The following WDR86 variants were observed in gnomAD, a reference collection of about 807,000 sequenced individuals.
The protein encoded by WDR86 is WD repeat domain 86, also known as WD repeat-containing protein 86.
A neutral mutation model predicts 36.5 loss-of-function variants in WDR86; 30 were observed. The ratio of observed to expected loss-of-function variants is 0.82; its 90% confidence interval spans 0.61 to 1.11. WDR86 has a LOEUF of 1.11. Ranked by LOEUF, WDR86 falls within the 50% of genes most tolerant of loss-of-function variation. WDR86 has a pLI of 0.00. For synonymous variants in WDR86, 255 were observed against 252.9 expected, an observed-to-expected ratio of 1.01 and a Z score of -0.08; for missense variants, 545 against 561.2, an observed-to-expected ratio of 0.97 and a Z score of 0.29.
At chr7:151,389,358 C>G (rs910756841) in intron 3 of WDR86, among the ~76,000 whole-genome samples, 1 of 152,180 alleles carries the variant, frequency 6.6e-6, no homozygotes, top group Non-Finnish European at 1.5e-5. Context: ...AGGCTGCCCA[C>G]GGGCTTATCT....
downstream of WDR86, among the ~76,000 whole-genome samples, chr7:151,375,503 G>A (rs904937389): frequency 2.0e-5 from 3 of 152,196 alleles, no homozygotes; most frequent in African/African-American, 7.2e-5. Context: ...AGGGCATGAC[G>A]CTTTCAAAGA....
chr7:151,376,093 C>T (rs1798218307), exon 2 of WDR86: 2 of 636,204 alleles, frequency 3.1e-6, no homozygotes, highest in East Asian at 2.7e-5. Flanking sequence ...CCTCAGAGGC[C>T]ACCCACGCAG....
Position 151,395,370 on chromosome 7 carries a change from C to G in WDR86, c.726+406G>C, listed in dbSNP as rs73727168. Among the ~76,000 whole-genome samples the G allele has an allele frequency of 5.0e-3, 767 of 152,330 alleles. 9 individuals are homozygous for G. The highest frequency in any genetic ancestry group is 0.017 in the African/African-American group (719 of 41,564). On this transcript the variant is annotated intron_variant, in intron 3 of 5. Transcript: ENST00000334493. ...AGATTCACGTGTCGCAGCCCTACCCCACCCCTGTACCTATGAATGTGGCCT... is the reference window on the plus strand; with the variant it reads ...AGATTCACGTGTCGCAGCCCTACCCGACCCCTGTACCTATGAATGTGGCCT...
In WDR86 at chr7:151,396,145, A is replaced by AGCTGTCCGGTCATAGGAGCT; in HGVS notation, c.337_356dup (p.Arg120AlafsTer29). The AGCTGTCCGGTCATAGGAGCT allele has an allele frequency of 6.2e-7, 1 of 1,612,918 alleles. No individual in the cohort carries two copies. The highest frequency in any genetic ancestry group is 8.5e-7 in the Non-Finnish European group (1 of 1,179,880). On this transcript the variant is annotated frameshift_variant, in exon 3 of 6. Transcript: ENST00000334493. LOFTEE classifies it high-confidence loss of function. ...GCCCCTTGTCCACACTCCAGACCCG[A>AGCTGTCCGGTCATAGGAGCT]GCTGTCCGGTCATAGGAGCTGCTGA... is the stretch of plus-strand genomic sequence containing the variant.
Position 151,409,938 on chromosome 7 carries a change from GC to G in WDR86, c.-350del, listed in dbSNP as rs529464697. On this transcript the variant is annotated 5_prime_UTR_variant, in exon 1 of 6. Transcript: ENST00000334493. The surrounding 1 kb of genome is among the most constrained non-coding windows in gnomAD (Gnocchi z 5.2). ...CAGCTGCGTCTCTGGTGCACAAGGA[GC>G]CCCCCGCCTCCTCTCGCGCCCACGG... is the stretch of plus-strand genomic sequence containing the variant. 5.7e-6 allele frequency: 6 copies of G among 1,055,850 alleles called. No homozygotes were observed. Among genetic ancestry groups the G allele is most frequent in the Non-Finnish European group, 6.8e-6 (6 of 876,394 alleles). 65.4% of individuals were successfully genotyped at this position (1,055,850 alleles called of 1,614,324 possible). A position where few individuals can be genotyped will look rare whatever the true frequency, so the allele number is the denominator to read the frequency against.
At chr7:151,404,744 G>A (rs1800587269) in intron 1 of WDR86, among the ~76,000 whole-genome samples, 1 of 152,246 alleles carries the variant, frequency 6.6e-6, no homozygotes, top group Admixed American at 6.5e-5. Flanking sequence ...ACATGCTGAG[G>A]CTGACGGTTT....
At chr7:151,369,638 A>G in the WDR86 span, among the ~76,000 whole-genome samples, 22 of 152,204 alleles carry the variant, frequency 1.4e-4, no homozygotes, top group Non-Finnish European at 2.1e-4. Flanking sequence ...ATTCTATCCA[A>G]TATGTTCTGC....
intron 1 of WDR86, chr7:151,408,681 A>T: frequency 3.0e-6 from 1 of 336,642 alleles, no homozygotes; most frequent in Non-Finnish European, 6.0e-6. Context: ...TACGTGTGCT[A>T]CCTGGGCAGT....
chr7:151,397,784 G>GA (rs1799963998), intron 2 of WDR86, among the ~76,000 whole-genome samples: 8 of 71,400 alleles, frequency 1.1e-4, no homozygotes, highest in East Asian at 3.6e-4. Context: ...GCAGGAGGAA[G>GA]GGCATAGCGG....
intron 3 of WDR86, among the ~76,000 whole-genome samples, chr7:151,393,037 C>T (rs1799547314): frequency 6.6e-6 from 1 of 152,200 alleles, no homozygotes; most frequent in South Asian, 2.1e-4. Flanking sequence ...ATTCAAATTG[C>T]TTTGTGGGAC....
chr7:151,381,997 G>A lies in WDR86; in HGVS notation c.863-16C>T. On this transcript the variant is annotated splice_polypyrimidine_tract_variant and intron_variant, in intron 4 of 5. Coordinates refer to ENST00000334493, the MANE Select transcript of WDR86 (RefSeq NM_198285.3). This position sits in a 1 kb window ranked among gnomAD's most constrained non-coding sequence, Gnocchi z 4.8. The stretch of plus-strand genomic sequence containing the variant: ...CCCGTGAACACTGCGGACACACAGC[G>A]CGCGCTGGGCCTCCCTCCCTGCTCG... The A allele has an allele frequency of 1.3e-6, 2 of 1,580,360 alleles. No individual in the cohort carries two copies. The highest frequency in any genetic ancestry group is 1.7e-6 in the Non-Finnish European group (2 of 1,163,896).
At chr7:151,376,727 A>G, downstream of WDR86, 1 of 1,605,860 alleles carries the variant, frequency 6.2e-7, no homozygotes, top group Non-Finnish European at 8.5e-7. Context: ...CCTTGCTCAC[A>G]ACGGAGGAAG....
the WDR86 span, among the ~76,000 whole-genome samples, chr7:151,370,486 C>T: frequency 4.6e-5 from 7 of 152,198 alleles, no homozygotes; most frequent in Non-Finnish European, 1.0e-4. Context: ...TTTACTATTA[C>T]TCCACTACCA....
rs369396478 is a variant in WDR86, at chr7:151,396,031, C to A, written c.471G>T (p.Ala157=). ...GAAGCCCCCCGGCCGCGGCCTCCTC[C>A]GCGCAGGGAGTGCTGGGGAGGTCCC... The part of the protein sequence containing the change: ...APWDLPSTPC[A]EEAAAGGLLV... Residue 157 remains alanine (A), a synonymous_variant, in exon 3 of 6, where the codon GCG becomes GCT. Coordinates refer to ENST00000334493, the MANE Select transcript of WDR86 (RefSeq NM_198285.3). The A allele has an allele frequency of 1.2e-6, 2 of 1,608,156 alleles. No individual in the cohort carries two copies. Among genetic ancestry groups the A allele is most frequent in the South Asian group, 2.2e-5 (2 of 90,620 alleles).
downstream of WDR86, chr7:151,376,902 T>A: frequency 6.9e-7 from 1 of 1,457,428 alleles, no homozygotes; most frequent in Non-Finnish European, 9.2e-7. Context: ...ATGTGGAGAC[T>A]GAGGGGGCGT....
chr7:151,409,746 G>A lies in WDR86; in HGVS notation c.-157C>T. 1 of 1,297,464 alleles carries A rather than the reference G, an allele frequency of 7.7e-7. No homozygotes were observed. The highest frequency in any genetic ancestry group is 9.7e-7 in the Non-Finnish European group (1 of 1,027,412). The allele number at this position is 1,297,464 out of a possible 1,614,324, so 80.4% of individuals were successfully genotyped here. A position where few individuals can be genotyped will look rare whatever the true frequency, so the allele number is the denominator to read the frequency against. The stretch of plus-strand genomic sequence containing the variant: ...GGCACGCGGCGAGGGGAGGGTGAAG[G>A]ACCCTAGCTCCCCGCTGCCTCCAGC... On this transcript the variant is annotated 5_prime_UTR_variant, in exon 1 of 6. Coordinates refer to ENST00000334493, the MANE Select transcript of WDR86 (RefSeq NM_198285.3). This position sits in a 1 kb window ranked among gnomAD's most constrained non-coding sequence, Gnocchi z 5.2.
intron 3 of WDR86, 51 bp downstream of exon 3, chr7:151,395,725 G>C: frequency 6.6e-7 from 1 of 1,503,868 alleles, no homozygotes; most frequent in Non-Finnish European, 8.9e-7. Flanking sequence ...GGCAGTGCAG[G>C]GGGTGACCTG....
chr7:151,373,670 C>T (rs1168024801), downstream of WDR86, among the ~76,000 whole-genome samples: 3 of 152,214 alleles, frequency 2.0e-5, no homozygotes, highest in Non-Finnish European at 4.4e-5. Context: ...AATCCCTGGG[C>T]GATTCATCGA....
At position 151,409,619 on chromosome 7, in the gene WDR86, G is replaced by C. The variant is rs1801049792; in HGVS notation, c.-30C>G. 6 of 1,350,310 alleles carry C rather than the reference G, an allele frequency of 4.4e-6. No homozygotes were observed. Among genetic ancestry groups the C allele is most frequent in the Non-Finnish European group, 5.7e-6 (6 of 1,055,582 alleles). 83.6% of individuals were successfully genotyped at this position (1,350,310 alleles called of 1,614,324 possible). A position where few individuals can be genotyped will look rare whatever the true frequency, so the allele number is the denominator to read the frequency against. On this transcript the variant is annotated 5_prime_UTR_variant, in exon 1 of 6. Transcript: ENST00000334493. This position sits in a 1 kb window ranked among gnomAD's most constrained non-coding sequence, Gnocchi z 5.2. Reference sequence around the variant, plus strand: ...CTGGCAGGGCGGGGAACAAGAAGGAGCTGCGCCCCGCTAGGGAGGGGCGCC... The same window carrying C: ...CTGGCAGGGCGGGGAACAAGAAGGACCTGCGCCCCGCTAGGGAGGGGCGCC...
Sources: allele counts gnomAD v4.1 joint callset (sites outside exome capture counted in the v4.1 genomes callset), GRCh38; gene constraint gnomAD v4.1.1; non-coding constraint Gnocchi (gnomAD v3.1); transcripts MANE v1.5; gene names NCBI Gene and HGNC (gene_info 2026-07-23, HGNC 2026-07-21).